CMSS1: variants seen among roughly 807,000 people sequenced by gnomAD.
CMSS1 encodes the protein protein CMSS1.
CMSS1 carries 33 observed loss-of-function variants against 43.5 expected under a neutral mutation model. The observed-to-expected ratio is 0.76, with a 90% CI of 0.57 to 1.01. The LOEUF is 1.01. CMSS1 is among the 50% of genes least tolerant of loss of function. CMSS1 has a pLI of 0.00. For synonymous variants in CMSS1, 115 were observed against 117.2 expected, an observed-to-expected ratio of 0.98 and a Z score of 0.12; for missense variants, 313 against 326.4, an observed-to-expected ratio of 0.96 and a Z score of 0.32.
chr3:99,848,965 A>G (rs1464392517), intron 1 of CMSS1: 28 of 1,614,042 alleles, frequency 1.7e-5, no homozygotes, highest in Non-Finnish European at 2.4e-5. Context: ...AGTAACCTTT[A>G]TATGAAGTGG....
At chr3:100,132,724 C>G (rs2066719088) in intron 1 of CMSS1, among the ~76,000 whole-genome samples, 1 of 145,808 alleles carries the variant, frequency 6.9e-6, no homozygotes, top group African/African-American at 2.6e-5. Context: ...GAGGCTGAGG[C>G]AGGCAAATGG....
chr3:99,912,432 A>G (rs1706820113), intron 1 of CMSS1, among the ~76,000 whole-genome samples: 1 of 152,136 alleles, frequency 6.6e-6, no homozygotes, highest in Non-Finnish European at 1.5e-5. Flanking sequence ...GCTGGAGTAT[A>G]ATGGCGTGAT....
intron 1 of CMSS1, chr3:100,114,783 C>G: frequency 1.9e-6 from 1 of 531,222 alleles, no homozygotes; most frequent in Admixed American, 3.3e-5. Flanking sequence ...ATTTTGTACC[C>G]TGCAGCCATG....
intron 1 of CMSS1, among the ~76,000 whole-genome samples, chr3:99,866,045 C>T (rs1944497078): frequency 6.6e-6 from 1 of 152,064 alleles, no homozygotes; most frequent in Non-Finnish European, 1.5e-5. Context: ...CTTCTCTTAA[C>T]CTCTACTCTT....
chr3:100,145,226 AG>A (rs1301255357), intron 1 of CMSS1, among the ~76,000 whole-genome samples: 1 of 152,206 alleles, frequency 6.6e-6, no homozygotes, highest in East Asian at 1.9e-4. Flanking sequence ...GGATCACCTG[AG>A]GTCAGGAGTT....
At chr3:100,146,613 A>G (rs896167767) in intron 1 of CMSS1, among the ~76,000 whole-genome samples, 5 of 152,256 alleles carry the variant, frequency 3.3e-5, no homozygotes, top group African/African-American at 1.2e-4. Context: ...TAACCACTCA[A>G]TAATTCTAGC....
rs773116489 is a variant in CMSS1 at position 99,930,033 on chromosome 3, T to A, written c.64+111990T>A. On this transcript the variant is annotated intron_variant, in intron 1 of 9. Coordinates refer to ENST00000421999, the MANE Select transcript of CMSS1 (RefSeq NM_032359.4). The stretch of plus-strand genomic sequence containing the variant: ...TGCCTATGACCTCATCTCGAGCCTG[T>A]AGGAACAAAAAGTATTTCAGAAAGC... The A allele has an allele frequency of 1.9e-6, 3 of 1,594,336 alleles. No homozygotes were observed. The South Asian group carries it at 3.4e-5, about 18-fold the overall frequency.
chr3:100,038,822 G>A (rs969634604), intron 1 of CMSS1, among the ~76,000 whole-genome samples: 1 of 152,080 alleles, frequency 6.6e-6, no homozygotes, highest in African/African-American at 2.4e-5. Flanking sequence ...TACTGATACA[G>A]CAGGATCTCC....
intron 1 of CMSS1, among the ~76,000 whole-genome samples, chr3:99,984,254 T>G (rs1030438163): frequency 1.4e-4 from 22 of 152,222 alleles, no homozygotes; most frequent in African/African-American, 5.3e-4. Flanking sequence ...GCCATTCATG[T>G]ATTTATTATG....
At chr3:100,071,912 A>G (rs945883622) in intron 1 of CMSS1, among the ~76,000 whole-genome samples, 5 of 152,178 alleles carry the variant, frequency 3.3e-5, no homozygotes, top group African/African-American at 1.2e-4. Flanking sequence ...ACTTTGCCAT[A>G]TCAGCTAATT....
chr3:99,848,589 A>C, intron 1 of CMSS1: 1 of 1,614,190 alleles, frequency 6.2e-7, no homozygotes, highest in Non-Finnish European at 8.5e-7. Context: ...TGAATATCGC[A>C]TGCTTGGCAC....
intron 1 of CMSS1, among the ~76,000 whole-genome samples, chr3:100,108,211 A>G (rs952924497): frequency 2.0e-5 from 3 of 152,132 alleles, no homozygotes; most frequent in East Asian, 1.9e-4. Flanking sequence ...TCTGTGTGCA[A>G]TCTAACTAGG....
chr3:100,073,240 C>T (rs1170751753), intron 1 of CMSS1, among the ~76,000 whole-genome samples: 1 of 152,084 alleles, frequency 6.6e-6, no homozygotes, highest in East Asian at 1.9e-4. Context: ...CTCCACCATA[C>T]TCATTTATTT....
chr3:99,840,648 C>T (rs1287734676), intron 1 of CMSS1, among the ~76,000 whole-genome samples: 1 of 152,144 alleles, frequency 6.6e-6, no homozygotes, highest in Non-Finnish European at 1.5e-5. Context: ...TATGCTCCAA[C>T]TTTATTTCCC....
At chr3:100,056,365 G>A (rs2065463666) in intron 1 of CMSS1, among the ~76,000 whole-genome samples, 1 of 151,978 alleles carries the variant, frequency 6.6e-6, no homozygotes, top group South Asian at 2.1e-4. Context: ...AATTTCTATG[G>A]GAGGCTTTTT....
At chr3:99,939,928 T>G (rs1412127481) in intron 1 of CMSS1, among the ~76,000 whole-genome samples, 1 of 152,224 alleles carries the variant, frequency 6.6e-6, no homozygotes, top group African/African-American at 2.4e-5. Flanking sequence ...ATTTACTCTC[T>G]TTTTAGTTTG....
chr3:99,951,265 A>G (rs1192228269), intron 1 of CMSS1, among the ~76,000 whole-genome samples: 1 of 152,144 alleles, frequency 6.6e-6, no homozygotes, highest in African/African-American at 2.4e-5. Flanking sequence ...TAGTAGCACT[A>G]AGACCTCCTT....
chr3:99,895,881 A>G (rs759057526), intron 1 of CMSS1, among the ~76,000 whole-genome samples: 3 of 152,246 alleles, frequency 2.0e-5, no homozygotes, highest in Admixed American at 6.5e-5. Context: ...AAAGAAAACA[A>G]TGTTGATGTT....
At chr3:100,129,989 C>A (rs2066693490) in intron 1 of CMSS1, among the ~76,000 whole-genome samples, 1 of 152,092 alleles carries the variant, frequency 6.6e-6, no homozygotes, top group South Asian at 2.1e-4. Context: ...TGTATATATT[C>A]TTTTTATCCT....
Sources: allele counts gnomAD v4.1 joint callset (sites outside exome capture counted in the v4.1 genomes callset), GRCh38; gene constraint gnomAD v4.1.1; transcripts MANE v1.5; gene names NCBI Gene and HGNC (gene_info 2026-07-23, HGNC 2026-07-21).